The following JPH2 variants were observed in gnomAD, a reference collection of about 807,000 sequenced individuals.
The protein encoded by JPH2 is junctophilin 2.
JPH2 carries 38 observed loss-of-function variants against 55.9 expected under a neutral mutation model. The ratio of observed to expected loss-of-function variants is 0.68; its 90% CI spans 0.52 to 0.89. The LOEUF (loss-of-function observed/expected upper bound fraction) is 0.89. Among genes scored for constraint, JPH2 ranks in the 40% least tolerant of loss-of-function variants. The pLI, the probability that JPH2 is intolerant of heterozygous loss-of-function variation, is 0.00. For synonymous variants in JPH2, 480 were observed against 472.4 expected, an observed-to-expected ratio of 1.02 and a Z score of -0.21; for missense variants, 964 against 1,037.6, an observed-to-expected ratio of 0.93 and a Z score of 0.97.
intron 1 of JPH2, among the ~76,000 whole-genome samples, chr20:44,161,693 G>T (rs2072611236): frequency 6.6e-6 from 1 of 152,048 alleles, no homozygotes; most frequent in Non-Finnish European, 1.5e-5. Flanking sequence ...CACGTGTGAG[G>T]TCACCTGAGT....
intron 2 of JPH2, among the ~76,000 whole-genome samples, chr20:44,143,299 C>T (rs111927422): frequency 6.6e-6 from 1 of 152,134 alleles, no homozygotes; most frequent in Non-Finnish European, 1.5e-5. Context: ...CGGTGCCTGC[C>T]TCCCAGCTCC....
At chr20:44,149,663 G>A (rs2072517331) in intron 2 of JPH2, among the ~76,000 whole-genome samples, 1 of 152,072 alleles carries the variant, frequency 6.6e-6, no homozygotes, top group African/African-American at 2.4e-5. Context: ...CCTCCAATTT[G>A]TTATACAGAG....
At chr20:44,156,043 A>AAAAC (rs1229666306) in intron 2 of JPH2, among the ~76,000 whole-genome samples, 1 of 151,972 alleles carries the variant, frequency 6.6e-6, no homozygotes, top group Non-Finnish European at 1.5e-5. Flanking sequence ...CTCAAAAAAA[A>AAAAC]AAAAAACTGT....
At chr20:44,134,639 A>ATT (rs1218698615) in intron 2 of JPH2, among the ~76,000 whole-genome samples, 9 of 63,316 alleles carry the variant, frequency 1.4e-4, no homozygotes, top group African/African-American at 6.4e-4. Context: ...TATTATAAAT[A>ATT]TATAAATATT....
At chr20:44,182,603 G>C (rs988783852) in intron 1 of JPH2, among the ~76,000 whole-genome samples, 2 of 152,248 alleles carry the variant, frequency 1.3e-5, no homozygotes, top group Admixed American at 6.5e-5. Flanking sequence ...CACTGCCTCG[G>C]GGCCTTTGCA....
chr20:44,148,194 CA>C (rs1379113901), intron 2 of JPH2, among the ~76,000 whole-genome samples: 1 of 151,962 alleles, frequency 6.6e-6, no homozygotes, highest in Admixed American at 6.6e-5. Flanking sequence ...CAAAAACAAA[CA>C]AAAAAACCTC....
In JPH2 at chr20:44,159,664, G is replaced by T; in HGVS notation, c.1123C>A (p.Arg375Ser). Residue 375 changes from arginine (R) to serine (S), a missense_variant, in exon 2 of 6, where the codon CGC becomes AGC. Coordinates refer to ENST00000372980, the MANE Select transcript of JPH2 (RefSeq NM_020433.5). The surrounding 1 kb of genome is among the most constrained non-coding windows in gnomAD (Gnocchi z 5.7). ...KVEHSVEGAQ[R>S]AAAIARQKAE... is the part of the protein sequence containing the mutation. ...TTCTGGCGCGCGATAGCAGCGGCGC[G>T]CTGGGCACCCTCCACACTGTGCTCC... is the stretch of plus-strand genomic sequence containing the variant. The T allele has an allele frequency of 6.2e-7, 1 of 1,610,600 alleles. No individual in the cohort carries two copies.
intron 1 of JPH2, among the ~76,000 whole-genome samples, chr20:44,163,719 C>A (rs1025770703): frequency 1.3e-5 from 2 of 152,210 alleles, no homozygotes; most frequent in African/African-American, 4.8e-5. Context: ...GCCCATGGCT[C>A]TTAATCCTGG....
chr20:44,166,952 C>T (rs1039064558), intron 1 of JPH2, among the ~76,000 whole-genome samples: 2 of 152,202 alleles, frequency 1.3e-5, no homozygotes, highest in African/African-American at 4.8e-5. Context: ...CCGCCCCTGC[C>T]ACCTCCCCTG....
intron 2 of JPH2, among the ~76,000 whole-genome samples, chr20:44,157,688 TGGC>T (rs1273620236): frequency 6.6e-6 from 1 of 152,158 alleles, no homozygotes; most frequent in East Asian, 1.9e-4. Context: ...AACTAAGAAA[TGGC>T]GGTGCCACAG....
chr20:44,118,465 G>A, intron 3 of JPH2, 40 bp downstream of exon 3: 1 of 1,500,984 alleles, frequency 6.7e-7, no homozygotes. Flanking sequence ...CCACCCTAGG[G>A]ATAGCCCTAC....
intron 2 of JPH2, among the ~76,000 whole-genome samples, chr20:44,135,611 C>T (rs937590217): frequency 3.3e-5 from 5 of 152,212 alleles, no homozygotes; most frequent in African/African-American, 4.8e-5. Context: ...GCAGAAGCTT[C>T]GCTGCTGCGT....
In JPH2 at chr20:44,115,915, G is replaced by T; in HGVS notation, c.1760C>A (p.Pro587His). The change falls in exon 4 of 6, where the codon CCC becomes CAC. Residue 587 changes from proline to histidine, a missense_variant. By Grantham distance (77) the Pro-to-His change is moderately conservative. Transcript: ENST00000372980. ...CGCGGACTCGGACCCGGAGACCTCG[G>T]GCTCGGGCTGGTCCTCAAAGGGTGG... ...EPPPFEDQPEPEVSGSESAPS... is the reference protein window; with the variant it reads ...EPPPFEDQPEHEVSGSESAPS... 1 of 1,571,142 alleles carries T rather than the reference G, an allele frequency of 6.4e-7. No individual in the cohort carries two copies. The highest frequency in any genetic ancestry group is 8.6e-7 in the Non-Finnish European group (1 of 1,165,134).
rs567221890 is a variant in JPH2, at chr20:44,129,280, C to T, written c.1170-10657G>A. Among the ~76,000 whole-genome samples, 112 of 152,222 alleles carry T rather than the reference C, an allele frequency of 7.4e-4. 1 individual carries two copies. The highest frequency in any genetic ancestry group is 1.1e-3 in the Non-Finnish European group (73 of 68,004). The stretch of plus-strand genomic sequence containing the variant: ...TAAGTGTTGCTGCTTAGCGGCCGGG[C>T]GCGGCGGCTCACACCTATAATCCCA... On this transcript the variant is annotated intron_variant, in intron 2 of 5. Coordinates refer to ENST00000372980, the MANE Select transcript of JPH2 (RefSeq NM_020433.5).
At chr20:44,169,482 G>A (rs1351386780) in intron 1 of JPH2, among the ~76,000 whole-genome samples, 1 of 152,014 alleles carries the variant, frequency 6.6e-6, no homozygotes, top group Non-Finnish European at 1.5e-5. Flanking sequence ...CTGGCCCTCA[G>A]GTATTCTTTT....
At chr20:44,158,337 A>G (rs1327431614) in intron 2 of JPH2, among the ~76,000 whole-genome samples, 2 of 152,196 alleles carry the variant, frequency 1.3e-5, no homozygotes, top group Non-Finnish European at 2.9e-5. Context: ...AGAGGGAAGA[A>G]AACTCCAGGC....
intron 2 of JPH2, among the ~76,000 whole-genome samples, chr20:44,133,309 C>T (rs1017786350): frequency 6.6e-6 from 1 of 151,346 alleles, no homozygotes; most frequent in Admixed American, 6.6e-5. Flanking sequence ...TCTGAATGTG[C>T]ATAAATTATA....
At chr20:44,134,690 AAT>A (rs1401783465) in intron 2 of JPH2, among the ~76,000 whole-genome samples, 4,160 of 40,448 alleles carry the variant, frequency 0.1, 1,028 homozygotes, top group Admixed American at 0.17. Flanking sequence ...AAATATTATA[AAT>A]ATATATACAT....
chr20:44,168,321 A>T (rs1340295346), intron 1 of JPH2, among the ~76,000 whole-genome samples: 1 of 152,258 alleles, frequency 6.6e-6, no homozygotes, highest in Admixed American at 6.5e-5. Flanking sequence ...TCACACAAAA[A>T]GAATGGAAAA....
Sources: allele counts gnomAD v4.1 joint callset (sites outside exome capture counted in the v4.1 genomes callset), GRCh38; gene constraint gnomAD v4.1.1; non-coding constraint Gnocchi (gnomAD v3.1); transcripts MANE v1.5; gene names NCBI Gene and HGNC (gene_info 2026-07-23, HGNC 2026-07-21).